Variants in ELP3 observed in about 807,000 individuals in gnomAD.
The protein encoded by ELP3 is elongator complex protein 3.
ELP3 carries 56 observed loss-of-function variants against 74.9 expected under a neutral mutation model. The ratio of observed to expected loss-of-function variants is 0.75; its 90% CI spans 0.60 to 0.93. ELP3 has a LOEUF of 0.93. ELP3 is among the 40% of genes least tolerant of loss of function. ELP3 has a pLI of 0.00. For missense variants in ELP3, 573 were observed against 686.5 expected, an observed-to-expected ratio of 0.83 and a Z score of 1.85; for synonymous variants, 222 against 239.8, an observed-to-expected ratio of 0.93 and a Z score of 0.68.
chr8:28,156,044 T>C lies in ELP3; in HGVS notation c.1191+12T>C. The stretch of plus-strand genomic sequence containing the variant: ...ACCTCGGAATACAGGTAAGAGCAAA[T>C]ATGGCGGTCAGGCCACAACTGTTGA... On this transcript the variant is annotated intron_variant, in intron 11 of 14. Transcript: ENST00000256398. 6.2e-7 allele frequency: 1 copy of C among 1,607,814 alleles called. No individual in the cohort carries two copies.
intron 7 of ELP3, among the ~76,000 whole-genome samples, chr8:28,117,419 CATG>C (rs774815069): frequency 3.3e-5 from 5 of 152,102 alleles, no homozygotes; most frequent in African/African-American, 7.2e-5. Flanking sequence ...CAGTGCAGAT[CATG>C]ATGTGTTTGT....
chr8:28,129,089 A>G (rs537047216), intron 7 of ELP3, among the ~76,000 whole-genome samples: 1 of 152,276 alleles, frequency 6.6e-6, no homozygotes, highest in South Asian at 2.1e-4. Context: ...TAAATAATGT[A>G]GATGGTTTTC....
In ELP3 at chr8:28,153,179, A is replaced by C. The variant is rs531267503; in HGVS notation, c.1101-2763A>C. On this transcript the variant is annotated intron_variant, in intron 10 of 14. Coordinates refer to ENST00000256398, the MANE Select transcript of ELP3 (RefSeq NM_018091.6). Reference sequence around the variant, plus strand: ...GTAGTTTCCATAATGAGGCAGACTCAGGGTCTGCCTAGCCAAATTGTCATT... The same window carrying C: ...GTAGTTTCCATAATGAGGCAGACTCCGGGTCTGCCTAGCCAAATTGTCATT... Among the ~76,000 whole-genome samples the C allele has an allele frequency of 5.3e-5, 8 of 152,350 alleles. No homozygotes were observed. In the South Asian group the frequency reaches 1.7e-3, roughly 32 times the overall value.
chr8:28,113,275 C>A, intron 7 of ELP3, 102 bp downstream of exon 7: 2 of 787,048 alleles, frequency 2.5e-6, no homozygotes, highest in Non-Finnish European at 3.7e-6. Context: ...CACATTCTTA[C>A]TTCTCATAAT....
At chr8:28,126,886 T>C (rs1485838726) in intron 7 of ELP3, among the ~76,000 whole-genome samples, 1 of 152,228 alleles carries the variant, frequency 6.6e-6, no homozygotes, top group Non-Finnish European at 1.5e-5. Context: ...GAGAATACAG[T>C]AAGCCTATGG....
chr8:28,139,254 G>A (rs1364687069), intron 10 of ELP3, among the ~76,000 whole-genome samples: 1 of 152,156 alleles, frequency 6.6e-6, no homozygotes, highest in African/African-American at 2.4e-5. Context: ...TACTTACAGG[G>A]AGTTGATCTA....
Position 28,160,328 on chromosome 8 carries a change from T to C in ELP3, c.1357T>C (p.Leu453=), listed in dbSNP as rs1433996128. Reference sequence around the variant, plus strand: ...AGACATTTTGATTGGCCTCCTACGATTACGCAAGTGTTCAGAAGAAACTTT... The same window carrying C: ...AGACATTTTGATTGGCCTCCTACGACTACGCAAGTGTTCAGAAGAAACTTT... ...DQDILIGLLR[L]RKCSEETFRF... is the part of the protein sequence containing the mutation. The change falls in exon 13 of 15, where the codon TTA becomes CTA. Residue 453 remains leucine (L), a synonymous_variant. Coordinates refer to ENST00000256398, the MANE Select transcript of ELP3 (RefSeq NM_018091.6). 1 of 1,614,078 alleles carries C rather than the reference T, an allele frequency of 6.2e-7. No homozygotes were observed. Among genetic ancestry groups the C allele is most frequent in the African/African-American group, 1.3e-5 (1 of 74,924 alleles).
chr8:28,093,512 A>T, intron 1 of ELP3: 2 of 519,918 alleles, frequency 3.8e-6, no homozygotes, highest in Non-Finnish European at 6.8e-6. Context: ...CCCTCCGAGG[A>T]GTTAACGTCG....
At chr8:28,140,131 TG>T (rs1260414272) in intron 10 of ELP3, among the ~76,000 whole-genome samples, 3 of 151,322 alleles carry the variant, frequency 2.0e-5, no homozygotes, top group African/African-American at 7.3e-5. Flanking sequence ...TGTGTGTGTG[TG>T]TGTGTGTGTG....
chr8:28,180,101 A>G (rs969502082), intron 14 of ELP3, among the ~76,000 whole-genome samples: 3 of 152,030 alleles, frequency 2.0e-5, no homozygotes, highest in Non-Finnish European at 4.4e-5. Flanking sequence ...TTACTAGGAT[A>G]TTTCTAGGTT....
At chr8:28,123,646 CTT>C (rs1352265016) in intron 7 of ELP3, among the ~76,000 whole-genome samples, 1 of 152,188 alleles carries the variant, frequency 6.6e-6, no homozygotes, top group African/African-American at 2.4e-5. Context: ...GTACATCTCT[CTT>C]CATTTATATT....
At chr8:28,128,991 A>G (rs1056866622) in intron 7 of ELP3, among the ~76,000 whole-genome samples, 5 of 152,260 alleles carry the variant, frequency 3.3e-5, no homozygotes, top group African/African-American at 1.2e-4. Context: ...TTGTGTATAT[A>G]GAAGACATTT....
intron 14 of ELP3, among the ~76,000 whole-genome samples, chr8:28,180,423 T>C (rs1814958532): frequency 6.6e-6 from 1 of 152,348 alleles, no homozygotes; most frequent in South Asian, 2.1e-4. Flanking sequence ...GGTCCCACAC[T>C]TTAACATTTC....
chr8:28,097,405 C>A, intron 2 of ELP3, 87 bp downstream of exon 2: 2 of 812,436 alleles, frequency 2.5e-6, no homozygotes, highest in South Asian at 1.9e-5. Context: ...TTTTCCAGCT[C>A]AAGTTTTATT....
chr8:28,184,418 G>T (rs17502474), intron 14 of ELP3, among the ~76,000 whole-genome samples: 4,534 of 152,248 alleles, frequency 0.03, 106 homozygotes, highest in Non-Finnish European at 0.045. Flanking sequence ...CCTGCCCAAG[G>T]TGGTAATCGT....
intron 10 of ELP3, among the ~76,000 whole-genome samples, chr8:28,139,557 C>G (rs1280437899): frequency 6.6e-6 from 1 of 152,130 alleles, no homozygotes; most frequent in Admixed American, 6.5e-5. Context: ...TGCATCTGTA[C>G]TGAACATGTA....
chr8:28,162,456 A>T (rs1018681990), intron 14 of ELP3, among the ~76,000 whole-genome samples: 1 of 152,222 alleles, frequency 6.6e-6, no homozygotes, highest in Non-Finnish European at 1.5e-5. Flanking sequence ...ATTGTTCAGA[A>T]ATTAAAATAG....
At chr8:28,163,077 C>G (rs1396671580) in intron 14 of ELP3, among the ~76,000 whole-genome samples, 1 of 152,196 alleles carries the variant, frequency 6.6e-6, no homozygotes, top group Non-Finnish European at 1.5e-5. Flanking sequence ...CTTCCCCATT[C>G]CTTATCTAGG....
At chr8:28,187,264 T>C (rs569375127) in intron 14 of ELP3, among the ~76,000 whole-genome samples, 1 of 152,334 alleles carries the variant, frequency 6.6e-6, no homozygotes, top group South Asian at 2.1e-4. Context: ...CCTGGATTAT[T>C]GTCATCGCTT....
Sources: gnomAD v4.1 joint callset for allele counts (sites outside exome capture counted in the v4.1 genomes callset) on GRCh38, gnomAD v4.1.1 for gene constraint, MANE v1.5 for transcripts, NCBI Gene and HGNC (gene_info 2026-07-23, HGNC 2026-07-21) for gene names.